The following LRP1B variants were observed in gnomAD, a reference collection of about 807,000 sequenced individuals.
The protein encoded by LRP1B is LDL receptor related protein 1B.
A neutral mutation model predicts 556.6 loss-of-function variants in LRP1B; 217 were observed. The ratio of observed to expected loss-of-function variants is 0.39; its 90% CI spans 0.35 to 0.44. The LOEUF (loss-of-function observed/expected upper bound fraction) is 0.44. Among genes scored for constraint, LRP1B ranks in the 20% least tolerant of loss-of-function variants. LRP1B has a pLI of 1.00. For missense variants in LRP1B, 5,053 were observed against 5,620.8 expected, an observed-to-expected ratio of 0.90 and a Z score of 3.23; for synonymous variants, 2,047 against 1,865.8, an observed-to-expected ratio of 1.10 and a Z score of -2.50.
intron 25 of LRP1B, among the ~76,000 whole-genome samples, chr2:140,871,606 A>AT (rs139113397): frequency 0.054 from 8,226 of 152,228 alleles, 230 homozygotes; most frequent in East Asian, 0.1. Context: ...TCTATTAGTT[A>AT]TTTTTTAAAA....
Position 140,867,507 on chromosome 2 carries a change from A to C in LRP1B, c.4579+83T>G, listed in dbSNP as rs1226188031. 4 of 1,389,902 alleles carry C rather than the reference A, an allele frequency of 2.9e-6. No homozygotes were observed. The African/African-American group carries it at 5.9e-5, about 21-fold the overall frequency. The allele number at this position is 1,389,902 out of a possible 1,614,324, so 86.1% of individuals were successfully genotyped here. Reference sequence around the variant, plus strand: ...AATGTCAATAACTTTTAACTTATAGAAGTTATTTTATACTTCAAATATTAT... The same window carrying C: ...AATGTCAATAACTTTTAACTTATAGCAGTTATTTTATACTTCAAATATTAT... On this transcript the variant is annotated intron_variant, in intron 27 of 90. Coordinates refer to ENST00000389484, the MANE Select transcript of LRP1B (RefSeq NM_018557.3).
chr2:141,338,560 TA>T (rs1229094189), intron 3 of LRP1B, among the ~76,000 whole-genome samples: 1 of 152,160 alleles, frequency 6.6e-6, no homozygotes, highest in African/African-American at 2.4e-5. Context: ...GAGTTCTAAT[TA>T]GCTATTCTAT....
At chr2:141,665,866 G>A (rs1220189065) in intron 2 of LRP1B, among the ~76,000 whole-genome samples, 1 of 152,002 alleles carries the variant, frequency 6.6e-6, no homozygotes, top group East Asian at 1.9e-4. Context: ...TTCTACATGT[G>A]ACTAGCCAGC....
intron 5 of LRP1B, among the ~76,000 whole-genome samples, chr2:141,239,395 T>G (rs1266302741): frequency 2.0e-5 from 3 of 152,172 alleles, no homozygotes. Flanking sequence ...AGTTTTTCTA[T>G]GCAGGAAAAA....
chr2:141,639,240 A>G (rs1689219463), intron 2 of LRP1B, among the ~76,000 whole-genome samples: 1 of 139,536 alleles, frequency 7.2e-6, no homozygotes, highest in African/African-American at 2.6e-5. Flanking sequence ...CACGCAAAGC[A>G]CAGAGCACCA....
intron 58 of LRP1B, among the ~76,000 whole-genome samples, chr2:140,486,392 T>C (rs2105364803): frequency 6.6e-6 from 1 of 152,060 alleles, no homozygotes; most frequent in Non-Finnish European, 1.5e-5. Flanking sequence ...AAGACATCTG[T>C]TTTTCTTTTA....
chr2:140,512,284 T>C (rs1008354408), intron 51 of LRP1B, among the ~76,000 whole-genome samples: 2 of 152,184 alleles, frequency 1.3e-5, no homozygotes, highest in African/African-American at 4.8e-5. Flanking sequence ...GCTCCCTTGA[T>C]AGTATTCAAC....
intron 7 of LRP1B, among the ~76,000 whole-genome samples, chr2:141,129,372 T>G (rs1016352767): frequency 6.6e-6 from 1 of 152,096 alleles, no homozygotes; most frequent in African/African-American, 2.4e-5. Flanking sequence ...CTCAGAAAGA[T>G]AAACAGATAT....
intron 84 of LRP1B, among the ~76,000 whole-genome samples, chr2:140,293,761 T>C (rs1475560868): frequency 6.6e-6 from 1 of 152,172 alleles, no homozygotes; most frequent in Non-Finnish European, 1.5e-5. Flanking sequence ...ACAGACTTAT[T>C]ATGCTGCCAA....
chr2:140,926,087 C>G (rs75080922), intron 20 of LRP1B, among the ~76,000 whole-genome samples: 6,930 of 148,262 alleles, frequency 0.047, 187 homozygotes, highest in Middle Eastern at 0.054. Context: ...CTTAAGCTAC[C>G]CATGTCTGAA....
At chr2:140,907,120 G>A (rs1694280064) in intron 22 of LRP1B, among the ~76,000 whole-genome samples, 1 of 151,966 alleles carries the variant, frequency 6.6e-6, no homozygotes, top group Non-Finnish European at 1.5e-5. Flanking sequence ...TTTTCTCACA[G>A]CCTCAAGTCA....
At chr2:140,632,030 C>A (rs1429084406) in intron 41 of LRP1B, among the ~76,000 whole-genome samples, 1 of 152,048 alleles carries the variant, frequency 6.6e-6, no homozygotes, top group African/African-American at 2.4e-5. Context: ...ACAAACTCAT[C>A]AATTTAGAAT....
intron 15 of LRP1B, among the ~76,000 whole-genome samples, chr2:140,994,471 A>G (rs886391574): frequency 6.6e-6 from 1 of 151,416 alleles, no homozygotes; most frequent in Admixed American, 6.6e-5. Context: ...AATGGAGAGG[A>G]GAAGAGGAGA....
intron 77 of LRP1B, among the ~76,000 whole-genome samples, chr2:140,342,973 C>T (rs1681472392): frequency 6.6e-6 from 1 of 151,022 alleles, no homozygotes; most frequent in Non-Finnish European, 1.5e-5. Flanking sequence ...TAGCAAAAAC[C>T]ATCAGAAACA....
intron 3 of LRP1B, among the ~76,000 whole-genome samples, chr2:141,473,267 G>A (rs1053026978): frequency 3.3e-5 from 5 of 152,016 alleles, no homozygotes; most frequent in Non-Finnish European, 5.9e-5. Flanking sequence ...GTGTATATAC[G>A]TTTATATATA....
intron 18 of LRP1B, among the ~76,000 whole-genome samples, chr2:140,952,829 A>G (rs924027435): frequency 6.6e-6 from 1 of 152,186 alleles, no homozygotes; most frequent in Non-Finnish European, 1.5e-5. Context: ...TTGCTTACTA[A>G]TATGTCCCAG....
At chr2:141,106,751 G>A (rs564054472) in intron 7 of LRP1B, among the ~76,000 whole-genome samples, 10 of 152,182 alleles carry the variant, frequency 6.6e-5, no homozygotes, top group East Asian at 3.9e-4. Flanking sequence ...AAGGAGCCCC[G>A]CTGAACTATT....
intron 35 of LRP1B, among the ~76,000 whole-genome samples, chr2:140,737,178 A>G (rs1687975591): frequency 6.6e-6 from 1 of 152,154 alleles, no homozygotes; most frequent in Admixed American, 6.5e-5. Context: ...CAAATGAAGA[A>G]GTAGCCAAGG....
intron 1 of LRP1B, among the ~76,000 whole-genome samples, chr2:142,076,163 AG>A (rs1425866651): frequency 3.3e-5 from 5 of 152,140 alleles, no homozygotes; most frequent in Admixed American, 3.3e-4. Flanking sequence ...TTTTCTTAAT[AG>A]GAAGATATAT....
Sources: allele counts gnomAD v4.1 joint callset (sites outside exome capture counted in the v4.1 genomes callset), GRCh38; gene constraint gnomAD v4.1.1; transcripts MANE v1.5; gene names NCBI Gene and HGNC (gene_info 2026-07-23, HGNC 2026-07-21).